Variants in PMFBP1 observed in about 807,000 individuals in gnomAD.
PMFBP1 encodes polyamine modulated factor 1 binding protein 1.
A neutral mutation model predicts 137.8 loss-of-function variants in PMFBP1; 131 were observed. The observed-to-expected ratio is 0.95, with a 90% CI of 0.82 to 1.10. PMFBP1 has a LOEUF of 1.10. PMFBP1 is among the 50% of genes least tolerant of loss of function. PMFBP1 has a pLI of 0.00. For missense variants in PMFBP1, 1,199 were observed against 1,175.4 expected (o/e 1.02, Z -0.29); for synonymous variants, 490 against 450.4 (o/e 1.09, Z -1.11).
the PMFBP1 span, among the ~76,000 whole-genome samples, chr16:72,243,564 T>C: frequency 6.6e-6 from 1 of 152,214 alleles, no homozygotes; most frequent in African/African-American, 2.4e-5. Context: ...TTATTTCTAC[T>C]GTCAGGTACA....
chr16:72,161,880 G>A (rs922440976), intron 3 of PMFBP1, among the ~76,000 whole-genome samples: 2 of 152,018 alleles, frequency 1.3e-5, no homozygotes, highest in African/African-American at 2.4e-5. Flanking sequence ...TGCCCATCAA[G>A]ATTCTACTAA....
intron 2 of PMFBP1, among the ~76,000 whole-genome samples, chr16:72,170,317 C>T (rs926514074): frequency 3.3e-5 from 5 of 151,878 alleles, no homozygotes; most frequent in East Asian, 3.9e-4. Context: ...AATCTGCTCA[C>T]CTCTTGGTAG....
intron 9 of PMFBP1, among the ~76,000 whole-genome samples, chr16:72,133,629 C>G (rs1248786855): frequency 1.3e-5 from 2 of 152,154 alleles, no homozygotes; most frequent in Non-Finnish European, 2.9e-5. Flanking sequence ...CAGCAGGTAG[C>G]TAGTCAGGTG....
intron 2 of PMFBP1, among the ~76,000 whole-genome samples, chr16:72,166,344 T>TGC (rs1325236898): frequency 7.2e-5 from 11 of 152,302 alleles, no homozygotes; most frequent in Admixed American, 2.0e-4. Context: ...CCATGTAAGA[T>TGC]GTGCCTTGCT....
rs149746621 is a variant in PMFBP1, at chr16:72,140,671, T to G, written c.637-89A>C. 171 of 1,219,964 alleles carry G rather than the reference T, an allele frequency of 1.4e-4. No individual in the cohort carries two copies. In the African/African-American group the frequency reaches 2.4e-3, roughly 17 times the overall value. 75.6% of individuals were successfully genotyped at this position (1,219,964 alleles called of 1,614,324 possible). A position where few individuals can be genotyped will look rare whatever the true frequency, so the allele number is the denominator to read the frequency against. On this transcript the variant is annotated intron_variant, in intron 5 of 20. Transcript: ENST00000237353. ...TGAACATGGAAAATCTCTAGACCTA[T>G]ATTCTAAAGGTATATGTTCATATAT...
the PMFBP1 span, among the ~76,000 whole-genome samples, chr16:72,193,423 G>A: frequency 6.6e-6 from 1 of 151,864 alleles, no homozygotes; most frequent in Non-Finnish European, 1.5e-5. Flanking sequence ...TTATATGTAT[G>A]AAAAAAATTG....
chr16:72,229,768 T>C, the PMFBP1 span, among the ~76,000 whole-genome samples: 3 of 152,332 alleles, frequency 2.0e-5, no homozygotes, highest in Admixed American at 1.3e-4. Flanking sequence ...CTCTCCTGTG[T>C]CCATTAGGGT....
At chr16:72,148,797 G>C (rs573598891) in intron 5 of PMFBP1, among the ~76,000 whole-genome samples, 2 of 152,230 alleles carry the variant, frequency 1.3e-5, no homozygotes, top group South Asian at 2.1e-4. Flanking sequence ...GACTGTGCTG[G>C]GCCTTCCAGA....
At chr16:72,193,360 AG>A in the PMFBP1 span, among the ~76,000 whole-genome samples, 1 of 152,208 alleles carries the variant, frequency 6.6e-6, no homozygotes, top group Non-Finnish European at 1.5e-5. Context: ...ACTGCACTCC[AG>A]CCTGAGTGAC....
intron 18 of PMFBP1, 90 bp downstream of exon 18, chr16:72,123,456 G>T: frequency 9.4e-7 from 1 of 1,062,246 alleles, no homozygotes; most frequent in South Asian, 1.4e-5. Flanking sequence ...AGGAGTGCAG[G>T]GGTGTGTGTG....
At chr16:72,202,421 T>C in the PMFBP1 span, among the ~76,000 whole-genome samples, 1 of 152,206 alleles carries the variant, frequency 6.6e-6, no homozygotes, top group African/African-American at 2.4e-5. Flanking sequence ...CAAGCCATCC[T>C]TCCTCCTTGG....
chr16:72,242,941 G>A, the PMFBP1 span, among the ~76,000 whole-genome samples: 1 of 152,204 alleles, frequency 6.6e-6, no homozygotes, highest in East Asian at 1.9e-4. Context: ...ATTGAGCCCT[G>A]GGTGGGTATA....
At chr16:72,245,431 C>T in the PMFBP1 span, among the ~76,000 whole-genome samples, 1 of 152,276 alleles carries the variant, frequency 6.6e-6, no homozygotes, top group South Asian at 2.1e-4. Flanking sequence ...ACCCAGATGG[C>T]CTGGCTACAG....
downstream of PMFBP1, among the ~76,000 whole-genome samples, chr16:72,117,964 C>T (rs751826270): frequency 6.6e-6 from 1 of 152,202 alleles, no homozygotes; most frequent in South Asian, 2.1e-4. Context: ...TTTTCTGGCT[C>T]TGCTACCAAT....
intron 14 of PMFBP1, among the ~76,000 whole-genome samples, chr16:72,127,789 T>A (rs1168931870): frequency 1.3e-5 from 2 of 152,240 alleles, no homozygotes; most frequent in East Asian, 3.8e-4. Flanking sequence ...TTCCATCAGC[T>A]CAGACATACA....
chr16:72,232,113 T>C, the PMFBP1 span, among the ~76,000 whole-genome samples: 4 of 152,186 alleles, frequency 2.6e-5, no homozygotes, highest in African/African-American at 7.2e-5. Context: ...TTAGAGAATA[T>C]ATAAGCTGTG....
chr16:72,236,356 T>G, the PMFBP1 span, among the ~76,000 whole-genome samples: 6 of 152,326 alleles, frequency 3.9e-5, no homozygotes, highest in East Asian at 1.2e-3. Context: ...ATGTTACTAG[T>G]GTGTCTTAGT....
At chr16:72,205,522 C>T in the PMFBP1 span, among the ~76,000 whole-genome samples, 4 of 152,310 alleles carry the variant, frequency 2.6e-5, no homozygotes, top group South Asian at 4.1e-4. Flanking sequence ...GGTAGGGTGA[C>T]CCCAACACAG....
At chr16:72,242,398 A>G in the PMFBP1 span, among the ~76,000 whole-genome samples, 1 of 152,264 alleles carries the variant, frequency 6.6e-6, no homozygotes, top group Non-Finnish European at 1.5e-5. Context: ...AAACCTCCTT[A>G]GTTCTCTTTA....
Sources: gnomAD v4.1 joint callset for allele counts (sites outside exome capture counted in the v4.1 genomes callset) on GRCh38, gnomAD v4.1.1 for gene constraint, MANE v1.5 for transcripts, NCBI Gene and HGNC (gene_info 2026-07-23, HGNC 2026-07-21) for gene names.